Variants in CCDC40 observed in about 807,000 individuals in gnomAD.
CCDC40 encodes coiled-coil domain-containing protein 40.
CCDC40 carries 104 observed loss-of-function variants against 124.5 expected under a neutral mutation model. The observed-to-expected ratio is 0.84, with a 90% CI of 0.71 to 0.98. The LOEUF is 0.98. CCDC40 is among the 50% of genes least tolerant of loss of function. The probability of loss-of-function intolerance (pLI) is 0.00; values close to 1 mark genes in which losing one functional copy is unlikely to be tolerated. For synonymous variants in CCDC40, 580 were observed against 602.9 expected, an observed-to-expected ratio of 0.96 and a Z score of 0.56; for missense variants, 1,463 against 1,503.9, an observed-to-expected ratio of 0.97 and a Z score of 0.45.
rs778921041 is a variant in CCDC40 at position 80,095,393 on chromosome 17, G to C, written c.2963G>C (p.Arg988Pro). The C allele has an allele frequency of 2.0e-5, 33 of 1,614,016 alleles. No individual in the cohort carries two copies. The highest frequency in any genetic ancestry group is 4.0e-5 in the African/African-American group (3 of 74,958). The change falls in exon 18 of 20, where the codon CGC (arginine) becomes CCC (proline). Residue 988 changes from arginine to proline, a missense_variant. By Grantham distance (103) the Arg-to-Pro change is moderately radical. Coordinates refer to ENST00000397545, the MANE Select transcript of CCDC40 (RefSeq NM_017950.4). ...AAGATGGACAGGAAGGCGCTCACCC[G>C]CACCGACTTCCACCACAAGCAGCTT... ...QRKMDRKALT[R>P]TDFHHKQLEL... is the part of the protein sequence containing the mutation.
At chr17:80,051,552 CT>C (rs1248792430) in intron 7 of CCDC40, among the ~76,000 whole-genome samples, 1 of 139,752 alleles carries the variant, frequency 7.2e-6, no homozygotes, top group African/African-American at 2.6e-5. Context: ...TGGCGTGAAC[CT>C]GGGAGTCGGA....
Position 80,090,378 on chromosome 17 carries a change from GACAC to G in CCDC40, c.2832+500_2832+503del, listed in dbSNP as rs1043194117. The G allele has an allele frequency of 3.2e-5, 35 of 1,106,070 alleles. No homozygotes were observed. In the African/African-American group the frequency reaches 3.8e-4, roughly 12 times the overall value. The allele number at this position is 1,106,070 out of a possible 1,614,324, so 68.5% of individuals were successfully genotyped here. ...CGCGCAGGCACGTGCACGAACACAG[GACAC>G]ACACAGCACGTGCATGAACAACACA... On this transcript the variant is annotated intron_variant, in intron 17 of 19. Coordinates refer to ENST00000397545, the MANE Select transcript of CCDC40 (RefSeq NM_017950.4).
chr17:80,063,384 G>A (rs1224059265), intron 9 of CCDC40, among the ~76,000 whole-genome samples: 1 of 152,030 alleles, frequency 6.6e-6, no homozygotes, highest in Non-Finnish European at 1.5e-5. Context: ...GAAAAACTGG[G>A]GTCTAAATGC....
intron 9 of CCDC40, among the ~76,000 whole-genome samples, chr17:80,062,315 A>T (rs999811263): frequency 9.9e-5 from 15 of 152,076 alleles, no homozygotes; most frequent in Non-Finnish European, 1.9e-4. Flanking sequence ...AATTTTTTTT[A>T]AATTATACTT....
At chr17:80,067,920 T>C (rs1483456355) in intron 10 of CCDC40, 2 of 1,308,090 alleles carry the variant, frequency 1.5e-6, no homozygotes, top group Non-Finnish European at 1.9e-6. Context: ...GTGAATATTT[T>C]AGTGGACTAT....
chr17:80,095,163 C>T (rs1198792967), intron 17 of CCDC40, 100 bp from the exon 18 acceptor site: 7 of 1,087,598 alleles, frequency 6.4e-6, no homozygotes, highest in East Asian at 2.4e-5. Context: ...GATCCCCATG[C>T]GTGTCACCGG....
chr17:80,068,927 A>T (rs997844469), intron 10 of CCDC40, among the ~76,000 whole-genome samples: 1 of 152,254 alleles, frequency 6.6e-6, no homozygotes, highest in Non-Finnish European at 1.5e-5. Context: ...GGGACCGGCT[A>T]GAGGGCGGAA....
At chr17:80,069,686 G>A (rs903516987) in intron 10 of CCDC40, among the ~76,000 whole-genome samples, 1 of 152,222 alleles carries the variant, frequency 6.6e-6, no homozygotes, top group Non-Finnish European at 1.5e-5. Flanking sequence ...GGGAGGTGGA[G>A]GTGGCGGTGA....
At chr17:80,047,478 A>G (rs2143606251) in intron 4 of CCDC40, 76 bp downstream of exon 4, 2 of 1,495,478 alleles carry the variant, frequency 1.3e-6, no homozygotes, top group Non-Finnish European at 1.8e-6. Context: ...AAGGGATGCC[A>G]CTCGTTTGTC....
At position 80,081,492 on chromosome 17, in the gene CCDC40, A is replaced by C. The variant is rs944228531; in HGVS notation, c.1563-54A>C. On this transcript the variant is annotated intron_variant, in intron 10 of 19. Transcript: ENST00000397545. ...CCTCGTGTGGGGCGCAGCTCTGTGCACTGGCTCTCTGATGTCTCACACGTA... is the reference window on the plus strand; with the variant it reads ...CCTCGTGTGGGGCGCAGCTCTGTGCCCTGGCTCTCTGATGTCTCACACGTA... The C allele has an allele frequency of 3.3e-5, 53 of 1,611,996 alleles. No homozygotes were observed. The East Asian group carries it at 3.3e-4, about 10-fold the overall frequency.
In CCDC40 at chr17:80,099,901, G is replaced by A; in HGVS notation, c.*126G>A. ...GTACCCTCAGAAGGGCATCGTTTAA[G>A]AGAAATAAGCCAGCCCCACCCATAG... On this transcript the variant is annotated 3_prime_UTR_variant, in exon 20 of 20. Transcript: ENST00000397545. 3 of 1,077,404 alleles carry A rather than the reference G, an allele frequency of 2.8e-6. No individual in the cohort carries two copies. Among genetic ancestry groups the A allele is most frequent in the Non-Finnish European group, 4.1e-6 (3 of 739,416 alleles). The allele number at this position is 1,077,404 out of a possible 1,614,324, so 66.7% of individuals were successfully genotyped here.
chr17:80,040,717 C>G (rs2037257311), intron 3 of CCDC40, among the ~76,000 whole-genome samples: 1 of 151,426 alleles, frequency 6.6e-6, no homozygotes, highest in East Asian at 1.9e-4. Flanking sequence ...TCTTAGCAAG[C>G]TTAGGTCTCA....
intron 5 of CCDC40, 77 bp downstream of exon 5, chr17:80,048,838 G>A: frequency 7.8e-7 from 1 of 1,281,446 alleles, no homozygotes; most frequent in South Asian, 1.3e-5. Flanking sequence ...TGCCTGCACT[G>A]TCTCCCACTC....
chr17:80,069,199 C>T (rs2038126978), intron 10 of CCDC40, among the ~76,000 whole-genome samples: 1 of 152,122 alleles, frequency 6.6e-6, no homozygotes, highest in Non-Finnish European at 1.5e-5. Flanking sequence ...GTCGAGTCTA[C>T]AACCTAATGC....
intron 10 of CCDC40, among the ~76,000 whole-genome samples, chr17:80,072,959 G>A (rs908475198): frequency 6.0e-5 from 9 of 150,992 alleles, no homozygotes; most frequent in African/African-American, 2.2e-4. Flanking sequence ...AGTGTGCCTC[G>A]CTTTCTCCTA....
At chr17:80,059,385 G>A (rs756768416) in intron 9 of CCDC40, among the ~76,000 whole-genome samples, 8 of 151,890 alleles carry the variant, frequency 5.3e-5, no homozygotes, top group Non-Finnish European at 1.2e-4. Flanking sequence ...TCTGCACCTC[G>A]TGGAGTAGGG....
chr17:80,087,668 C>CA lies in CCDC40; in HGVS notation c.2513dup (p.Asn838LysfsTer12). The CA allele has an allele frequency of 6.2e-7, 1 of 1,613,878 alleles. No homozygotes were observed. Among genetic ancestry groups the CA allele is most frequent in the Non-Finnish European group, 8.5e-7 (1 of 1,179,728 alleles). On this transcript the variant is annotated frameshift_variant, in exon 15 of 20. Coordinates refer to ENST00000397545, the MANE Select transcript of CCDC40 (RefSeq NM_017950.4). LOFTEE classifies it high-confidence loss of function. This position sits in a 1 kb window ranked among gnomAD's most constrained non-coding sequence, Gnocchi z 4.5. Reference sequence around the variant, plus strand: ...TCGAGCACCACATGAAGGACCTGGACAACGACCTGAAGAAGCTCAACATGT... The same window carrying CA: ...TCGAGCACCACATGAAGGACCTGGACAAACGACCTGAAGAAGCTCAACATGT...
At chr17:80,090,417 C>CA (rs560799084) in intron 17 of CCDC40, 6 of 1,210,922 alleles carry the variant, frequency 5.0e-6, no homozygotes, top group Admixed American at 5.7e-5. Flanking sequence ...AGGACACACA[C>CA]AGCACGTGCA....
At chr17:80,039,754 A>G in intron 2 of CCDC40, 58 bp from the exon 3 acceptor site, 1 of 1,584,686 alleles carries the variant, frequency 6.3e-7, no homozygotes, top group Non-Finnish European at 8.6e-7. Context: ...AAAGAATAAA[A>G]CCTCACAAGG....
Sources: gnomAD v4.1 joint callset for allele counts (sites outside exome capture counted in the v4.1 genomes callset) on GRCh38, gnomAD v4.1.1 for gene constraint, Gnocchi (gnomAD v3.1) non-coding constraint, MANE v1.5 for transcripts, NCBI Gene and HGNC (gene_info 2026-07-23, HGNC 2026-07-21) for gene names.